Variants in RBFOX1 observed in about 807,000 individuals in gnomAD.
The protein encoded by RBFOX1 is RNA binding protein fox-1 homolog 1.
A neutral mutation model predicts 57.7 loss-of-function variants in RBFOX1; 8 were observed. That is an observed-to-expected ratio of 0.14 (90% CI 0.08 to 0.25). RBFOX1 has a LOEUF of 0.25. Among genes scored for constraint, RBFOX1 ranks in the 10% least tolerant of loss-of-function variants. The pLI is 1.00. For missense variants in RBFOX1, 611 were observed against 548.5 expected (o/e 1.11, Z -1.14); for synonymous variants, 326 against 222.4 (o/e 1.47, Z -4.15).
chr16:6,222,390 A>G (rs2097380268), intron 1 of RBFOX1, among the ~76,000 whole-genome samples: 1 of 152,098 alleles, frequency 6.6e-6, no homozygotes. Flanking sequence ...AAAAAGGGTT[A>G]GACAAGAGTG....
chr16:5,692,169 G>T (rs2342720), intron 3 of RBFOX1, among the ~76,000 whole-genome samples: 1 of 4,510 alleles, frequency 2.2e-4, no homozygotes, highest in Non-Finnish European at 6.3e-3. Context: ...GACTGACTGT[G>T]TGTGTGTGTG....
At chr16:7,242,060 C>T (rs897413412) in intron 4 of RBFOX1, among the ~76,000 whole-genome samples, 1 of 152,024 alleles carries the variant, frequency 6.6e-6, no homozygotes. Flanking sequence ...CCATAGGCAC[C>T]TCAGTGATAA....
At chr16:6,681,591 C>T (rs2058659204) in intron 3 of RBFOX1, among the ~76,000 whole-genome samples, 1 of 151,290 alleles carries the variant, frequency 6.6e-6, no homozygotes, top group Admixed American at 6.6e-5. Context: ...TAATTTGGCC[C>T]GTTAGTTAAA....
intron 1 of RBFOX1, among the ~76,000 whole-genome samples, chr16:6,051,540 G>A (rs2152435913): frequency 6.6e-6 from 1 of 152,188 alleles, no homozygotes; most frequent in African/African-American, 2.4e-5. Flanking sequence ...TGTTGGCCAG[G>A]TTGGTCTTGA....
chr16:6,164,303 T>C (rs2096900222), intron 1 of RBFOX1, among the ~76,000 whole-genome samples: 1 of 152,156 alleles, frequency 6.6e-6, no homozygotes, highest in African/African-American at 2.4e-5. Context: ...GATAATACTA[T>C]AAATAATTAT....
In RBFOX1 at chr16:5,770,408, A is replaced by T. The variant is rs188803194; in HGVS notation, c.319-96895A>T. Among the ~76,000 whole-genome samples, 6 of 152,326 alleles carry T rather than the reference A, an allele frequency of 3.9e-5. No homozygotes were observed. In the East Asian group the frequency reaches 7.7e-4, roughly 20 times the overall value. ...CATGGTAACACCTGGAAGTTACCTT[A>T]TAGGGTTTAAAAGGGGAGGAACCCT... On this transcript the variant is annotated intron_variant, in intron 3 of 19. Transcript: ENST00000641259.
At chr16:7,022,173 C>G (rs957246831) in intron 3 of RBFOX1, among the ~76,000 whole-genome samples, 7 of 149,888 alleles carry the variant, frequency 4.7e-5, no homozygotes, top group African/African-American at 1.7e-4. Context: ...AAATGATCCT[C>G]CCACCTCAGC....
chr16:7,165,387 G>GTAATGATAATAATAATAA (rs2079217953), intron 4 of RBFOX1, among the ~76,000 whole-genome samples: 1 of 141,202 alleles, frequency 7.1e-6, no homozygotes, highest in African/African-American at 2.6e-5. Context: ...TAACTCTTCT[G>GTAATGATAATAATAATAA]TAATAATAAT....
chr16:7,504,739 A>ATATTTATATT (rs1487244412), intron 4 of RBFOX1, among the ~76,000 whole-genome samples: 2 of 7,972 alleles, frequency 2.5e-4, no homozygotes, highest in South Asian at 4.0e-3. Context: ...ATATATATAT[A>ATATTTATATT]TATATATATA....
intron 3 of RBFOX1, among the ~76,000 whole-genome samples, chr16:5,756,404 T>G (rs918878261): frequency 6.6e-6 from 1 of 151,974 alleles, no homozygotes; most frequent in Non-Finnish European, 1.5e-5. Flanking sequence ...ATGGATACCG[T>G]TTTTCTTCTT....
At chr16:5,746,925 C>A (rs2053007191) in intron 3 of RBFOX1, among the ~76,000 whole-genome samples, 1 of 152,144 alleles carries the variant, frequency 6.6e-6, no homozygotes, top group South Asian at 2.1e-4. Flanking sequence ...ATTGAATACC[C>A]TTTATTTCCT....
At chr16:6,587,203 C>T (rs551969709) in intron 2 of RBFOX1, among the ~76,000 whole-genome samples, 11 of 152,218 alleles carry the variant, frequency 7.2e-5, no homozygotes, top group Non-Finnish European at 1.0e-4. Flanking sequence ...GCACTGGTAA[C>T]CACCATTCTG....
At chr16:6,546,382 C>A (rs2153837705) in intron 2 of RBFOX1, among the ~76,000 whole-genome samples, 1 of 152,298 alleles carries the variant, frequency 6.6e-6, no homozygotes, top group South Asian at 2.1e-4. Context: ...ACATTTATTG[C>A]CTCACCATTC....
intron 4 of RBFOX1, among the ~76,000 whole-genome samples, chr16:7,160,193 C>A (rs552430089): frequency 2.1e-5 from 3 of 142,828 alleles, no homozygotes; most frequent in South Asian, 2.2e-4. Flanking sequence ...TGACTTTTGA[C>A]TTTTTTTTTT....
chr16:7,015,806 G>C (rs571110105), intron 3 of RBFOX1, among the ~76,000 whole-genome samples: 13 of 147,438 alleles, frequency 8.8e-5, no homozygotes, highest in African/African-American at 3.3e-4. Flanking sequence ...AACATTTTCT[G>C]ATTTGGGTAG....
At chr16:5,423,356 G>A (rs1316668827) in intron 1 of RBFOX1, among the ~76,000 whole-genome samples, 1 of 152,112 alleles carries the variant, frequency 6.6e-6, no homozygotes, top group Non-Finnish European at 1.5e-5. Context: ...GTGGTTCTCT[G>A]TGGTTTTCTC....
In RBFOX1 at chr16:7,461,822, C is replaced by T. The variant is rs968168537; in HGVS notation, c.28-56325C>T. On this transcript the variant is annotated intron_variant, in intron 4 of 15. Transcript: ENST00000550418. ...AGCAGCATCCTCTCATATCTCTTAG[C>T]GACTTCTGGGATGTGAGGGGGCACA... Among the ~76,000 whole-genome samples, 7 of 6,228 alleles carry T rather than the reference C, an allele frequency of 1.1e-3. 1 individual carries two copies. Among genetic ancestry groups the T allele is most frequent in the East Asian group, 0.17 (1 of 6 alleles). 4.1% of individuals were successfully genotyped at this position (6,228 alleles called of 152,430 possible).
intron 3 of RBFOX1, among the ~76,000 whole-genome samples, chr16:6,982,584 C>T (rs968211914): frequency 1.3e-5 from 2 of 152,158 alleles, no homozygotes; most frequent in African/African-American, 2.4e-5. Flanking sequence ...TCATAGTTAC[C>T]ATGAGTTGAA....
intron 4 of RBFOX1, among the ~76,000 whole-genome samples, chr16:7,231,408 T>G (rs2093485026): frequency 1.3e-5 from 2 of 152,178 alleles, no homozygotes; most frequent in South Asian, 4.1e-4. Context: ...CTGTGTTCAC[T>G]GCAACACAGC....
Sources: gnomAD v4.1 joint callset for allele counts (sites outside exome capture counted in the v4.1 genomes callset) on GRCh38, gnomAD v4.1.1 for gene constraint, MANE v1.5 for transcripts, NCBI Gene and HGNC (gene_info 2026-07-23, HGNC 2026-07-21) for gene names.